Variants in ATXN2 observed in about 807,000 individuals in gnomAD.
ATXN2 encodes ataxin-2.
Under a neutral mutation model 138.6 loss-of-function variants are expected in ATXN2, and 37 were observed. That is an observed-to-expected ratio of 0.27 (90% confidence interval 0.21 to 0.35). ATXN2 has a LOEUF of 0.35. Among genes scored for constraint, ATXN2 ranks in the 10% least tolerant of loss-of-function variants. The pLI, the probability that ATXN2 is intolerant of heterozygous loss-of-function variation, is 1.00. For missense variants in ATXN2, 1,216 were observed against 1,480.3 expected (o/e 0.82, Z 2.93); for synonymous variants, 549 against 543.7 (o/e 1.01, Z -0.13).
chr12:111,463,882 G>A (rs1875779102), intron 21 of ATXN2, among the ~76,000 whole-genome samples: 1 of 152,202 alleles, frequency 6.6e-6, no homozygotes. Flanking sequence ...TGCCTCCCAA[G>A]TTCAAGCAAT....
At chr12:111,505,902 A>T (rs1037161804) in intron 14 of ATXN2, among the ~76,000 whole-genome samples, 2 of 152,256 alleles carry the variant, frequency 1.3e-5, no homozygotes, top group Non-Finnish European at 2.9e-5. Flanking sequence ...TGTTTGTGGC[A>T]GTGTTATTCA....
At chr12:111,541,617 G>A (rs1881522294) in intron 5 of ATXN2, among the ~76,000 whole-genome samples, 1 of 148,674 alleles carries the variant, frequency 6.7e-6, no homozygotes, top group African/African-American at 2.4e-5. Flanking sequence ...ATAGGCGTGA[G>A]CCACCGCACC....
intron 7 of ATXN2, 85 bp from the exon 8 acceptor site, chr12:111,520,161 T>TA: frequency 6.7e-7 from 1 of 1,494,422 alleles, no homozygotes; most frequent in South Asian, 1.2e-5. Flanking sequence ...TAAGAAAGTT[T>TA]AGAGTTTAGA....
At chr12:111,563,416 A>G (rs747874389) in intron 1 of ATXN2, among the ~76,000 whole-genome samples, 4 of 152,178 alleles carry the variant, frequency 2.6e-5, no homozygotes, top group Admixed American at 6.5e-5. Flanking sequence ...TATAAACAGA[A>G]TAACAGTTTG....
At chr12:111,577,358 C>T (rs750351743) in intron 1 of ATXN2, among the ~76,000 whole-genome samples, 14 of 152,126 alleles carry the variant, frequency 9.2e-5, no homozygotes, top group African/African-American at 3.1e-4. Flanking sequence ...CTCCGCCTCC[C>T]GGGTTCACGC....
chr12:111,521,160 G>C (rs1249666624), intron 6 of ATXN2, among the ~76,000 whole-genome samples, 187 bp from the exon 7 acceptor site: 1 of 152,194 alleles, frequency 6.6e-6, no homozygotes, highest in East Asian at 1.9e-4. Flanking sequence ...CAGTTGATAA[G>C]TAACTATACA....
chr12:111,503,670 A>G (rs1414509082), intron 14 of ATXN2, among the ~76,000 whole-genome samples: 1 of 151,512 alleles, frequency 6.6e-6, no homozygotes, highest in Non-Finnish European at 1.5e-5. Flanking sequence ...GATCACTGCA[A>G]CCTCCACCTC....
chr12:111,575,721 T>G (rs973830197), intron 1 of ATXN2, among the ~76,000 whole-genome samples: 3 of 152,154 alleles, frequency 2.0e-5, no homozygotes, highest in African/African-American at 7.2e-5. Context: ...GGGGAGGAAA[T>G]TAAACGTGGT....
intron 18 of ATXN2, among the ~76,000 whole-genome samples, chr12:111,476,710 G>C (rs773743169): frequency 2.6e-5 from 4 of 152,138 alleles, no homozygotes; most frequent in Non-Finnish European, 4.4e-5. Flanking sequence ...CTGATACAAA[G>C]AAAACTAGAA....
intron 1 of ATXN2, among the ~76,000 whole-genome samples, chr12:111,562,417 A>G (rs552659893): frequency 6.6e-6 from 1 of 151,506 alleles, no homozygotes; most frequent in African/African-American, 2.4e-5. Flanking sequence ...GCAGGACTCT[A>G]TCTCTTAAAA....
chr12:111,568,948 G>C (rs970968117), intron 1 of ATXN2, among the ~76,000 whole-genome samples: 2 of 152,090 alleles, frequency 1.3e-5, no homozygotes, highest in African/African-American at 2.4e-5. Context: ...GGTGGCAAGA[G>C]GGGGTAGGCC....
At chr12:111,494,676 G>A (rs578089411) in intron 14 of ATXN2, among the ~76,000 whole-genome samples, 18 of 151,208 alleles carry the variant, frequency 1.2e-4, no homozygotes, top group African/African-American at 3.6e-4. Context: ...CACCCACCTC[G>A]GCCTCCCAAA....
chr12:111,533,488 T>C lies in ATXN2; in HGVS notation c.572-8172A>G, dbSNP rs989436795. The stretch of plus-strand genomic sequence containing the variant: ...AAAAAAAGTCTGTACATGTTCAGTA[T>C]AGATGCTTTTGATTTCCCATATAAT... On this transcript the variant is annotated intron_variant, in intron 5 of 24. Coordinates refer to ENST00000673436, the MANE Select transcript of ATXN2 (RefSeq NM_001372574.1). 8.5e-5 allele frequency among the ~76,000 whole-genome samples: 13 copies of C among 152,236 alleles called. No homozygotes were observed. In the East Asian group the frequency reaches 1.9e-3, roughly 23 times the overall value.
chr12:111,486,899 T>A (rs7963919), intron 15 of ATXN2, 75 bp from the exon 16 acceptor site: 8 of 1,237,786 alleles, frequency 6.5e-6, no homozygotes, highest in African/African-American at 3.0e-5. Context: ...CCTGACAATT[T>A]AAAAAAAATT....
At chr12:111,470,806 A>G (rs1876362288) in intron 18 of ATXN2, 64 bp from the exon 19 acceptor site, 1 of 1,541,666 alleles carries the variant, frequency 6.5e-7, no homozygotes, top group Non-Finnish European at 8.9e-7. Flanking sequence ...ATGTGTTCAC[A>G]TGGTCTAGGA....
At chr12:111,551,659 G>C (rs1882127456) in intron 5 of ATXN2, among the ~76,000 whole-genome samples, 1 of 152,050 alleles carries the variant, frequency 6.6e-6, no homozygotes, top group South Asian at 2.1e-4. Context: ...AAGCATTGTA[G>C]GCCAAATGGG....
intron 23 of ATXN2, chr12:111,455,742 C>T: frequency 2.0e-6 from 1 of 507,484 alleles, no homozygotes; most frequent in Non-Finnish European, 3.6e-6. Context: ...CATAGCAAAG[C>T]AGACACAGAA....
At chr12:111,507,969 G>C (rs915484177) in intron 14 of ATXN2, among the ~76,000 whole-genome samples, 15 of 152,092 alleles carry the variant, frequency 9.9e-5, no homozygotes, top group Non-Finnish European at 1.6e-4. Context: ...CAGCATGCTC[G>C]TTAAGAGTCA....
intron 11 of ATXN2, chr12:111,511,658 G>A (rs997470638): frequency 6.6e-6 from 1 of 151,914 alleles, no homozygotes. Context: ...TAGAGACGAC[G>A]TTTCACCATG....
Sources: allele counts gnomAD v4.1 joint callset (sites outside exome capture counted in the v4.1 genomes callset), GRCh38; gene constraint gnomAD v4.1.1; transcripts MANE v1.5; gene names NCBI Gene and HGNC (gene_info 2026-07-23, HGNC 2026-07-21).